Variants in RSU1 observed in about 807,000 individuals in gnomAD.
The protein encoded by RSU1 is Ras suppressor protein 1.
In RSU1, 26 loss-of-function variants were observed where a neutral mutation model predicts 31.1. The observed-to-expected ratio is 0.84, with a 90% CI of 0.61 to 1.16. The LOEUF (loss-of-function observed/expected upper bound fraction) is 1.16, where lower values mean the gene tolerates loss of function less well. Ranked by LOEUF, RSU1 falls within the 50% of genes most tolerant of loss-of-function variation. The probability of loss-of-function intolerance (pLI) is 0.00; values close to 1 mark genes in which losing one functional copy is unlikely to be tolerated. For synonymous variants in RSU1, 164 were observed against 136.3 expected (o/e 1.20, Z -1.41); for missense variants, 320 against 339.1 (o/e 0.94, Z 0.44).
chr10:16,755,824 A>G (rs1489029368), intron 4 of RSU1, among the ~76,000 whole-genome samples: 2 of 152,176 alleles, frequency 1.3e-5, no homozygotes, highest in African/African-American at 2.4e-5. Flanking sequence ...CATTCCACAT[A>G]TAAGTGAGAA....
At chr10:16,676,457 A>G (rs371485313) in intron 8 of RSU1, among the ~76,000 whole-genome samples, 2 of 152,162 alleles carry the variant, frequency 1.3e-5, no homozygotes, top group Admixed American at 6.5e-5. Flanking sequence ...CTATGATTCA[A>G]TTATCTCCCA....
intron 7 of RSU1, among the ~76,000 whole-genome samples, chr10:16,744,218 A>T (rs931329062): frequency 6.6e-6 from 1 of 152,142 alleles, no homozygotes; most frequent in African/African-American, 2.4e-5. Flanking sequence ...TTTTTCTATA[A>T]TGCTTTTAAT....
At chr10:16,637,121 A>G (rs971470814) in intron 8 of RSU1, among the ~76,000 whole-genome samples, 18 of 152,280 alleles carry the variant, frequency 1.2e-4, no homozygotes, top group African/African-American at 4.3e-4. Flanking sequence ...CAAATTAGCT[A>G]GCTGAGGCCA....
intron 8 of RSU1, among the ~76,000 whole-genome samples, 169 bp from the exon 9 acceptor site, chr10:16,593,665 A>ATTCTC (rs1833553122): frequency 6.6e-6 from 1 of 152,246 alleles, no homozygotes; most frequent in Non-Finnish European, 1.5e-5. Context: ...TGAATATAAA[A>ATTCTC]TTCTCTTACA....
chr10:16,734,083 T>G lies in RSU1; in HGVS notation c.598+18456A>C, dbSNP rs186880211. ...TGCTAAACTGTCGGAACACACAAAG[T>G]GACAGATTTAGTGTTTCATTGGCAA... is the stretch of plus-strand genomic sequence containing the variant. On this transcript the variant is annotated intron_variant, in intron 7 of 8. Transcript: ENST00000345264. 3.8e-4 allele frequency among the ~76,000 whole-genome samples: 58 copies of G among 152,306 alleles called. No individual in the cohort carries two copies. The East Asian group carries it at 9.8e-3, about 26-fold the overall frequency.
chr10:16,649,723 T>C (rs1834644359), intron 8 of RSU1, among the ~76,000 whole-genome samples: 1 of 152,188 alleles, frequency 6.6e-6, no homozygotes, highest in South Asian at 2.1e-4. Flanking sequence ...AATTCAACCA[T>C]CTTCACAAAT....
At chr10:16,741,965 C>T (rs1169158071) in intron 7 of RSU1, among the ~76,000 whole-genome samples, 1 of 151,944 alleles carries the variant, frequency 6.6e-6, no homozygotes, top group Non-Finnish European at 1.5e-5. Context: ...ACCAGTGCTC[C>T]CCAAACTGAA....
intron 8 of RSU1, among the ~76,000 whole-genome samples, chr10:16,663,602 G>A (rs1834928233): frequency 6.6e-6 from 1 of 152,162 alleles, no homozygotes; most frequent in Non-Finnish European, 1.5e-5. Flanking sequence ...TACGCCTACA[G>A]CCAGAAAGGT....
chr10:16,817,187 C>A, intron 1 of RSU1, 103 bp from the exon 2 acceptor site: 2 of 720,474 alleles, frequency 2.8e-6, no homozygotes, highest in East Asian at 3.9e-5. Context: ...AGGGTTGGAG[C>A]GGGTGGGCGT....
chr10:16,686,975 C>T (rs892616788), intron 8 of RSU1, among the ~76,000 whole-genome samples: 3 of 152,172 alleles, frequency 2.0e-5, no homozygotes, highest in Non-Finnish European at 4.4e-5. Flanking sequence ...AGGGTTTTTT[C>T]TCACTGGTCA....
chr10:16,593,810 G>A (rs1343751935), intron 8 of RSU1, among the ~76,000 whole-genome samples: 2 of 152,220 alleles, frequency 1.3e-5, no homozygotes, highest in Non-Finnish European at 2.9e-5. Context: ...AGTCGACAGT[G>A]ATAAAAATGG....
chr10:16,773,996 G>T (rs1373204432), intron 3 of RSU1, among the ~76,000 whole-genome samples: 2 of 151,792 alleles, frequency 1.3e-5, no homozygotes, highest in African/African-American at 4.8e-5. Context: ...AAAACGCAAG[G>T]TCAATGAGTT....
intron 8 of RSU1, among the ~76,000 whole-genome samples, chr10:16,628,355 G>A (rs919723382): frequency 1.3e-5 from 2 of 152,254 alleles, no homozygotes; most frequent in African/African-American, 2.4e-5. Context: ...TTCATACCAC[G>A]TGCTAACATA....
At chr10:16,712,652 TTATTATA>T (rs1836044959) in intron 7 of RSU1, among the ~76,000 whole-genome samples, 1 of 152,136 alleles carries the variant, frequency 6.6e-6, no homozygotes, top group African/African-American at 2.4e-5. Context: ...ATCTACTTAT[TTATTATA>T]TATTTGTAGC....
chr10:16,744,658 G>A (rs1251121192), intron 7 of RSU1, among the ~76,000 whole-genome samples: 3 of 152,112 alleles, frequency 2.0e-5, no homozygotes, highest in Non-Finnish European at 2.9e-5. Flanking sequence ...ACAACCAATG[G>A]TCCAACCAAA....
At chr10:16,725,501 C>T (rs562912868) in intron 7 of RSU1, among the ~76,000 whole-genome samples, 6 of 152,164 alleles carry the variant, frequency 3.9e-5, no homozygotes, top group East Asian at 3.9e-4. Flanking sequence ...GCATCTTGAG[C>T]GGGGGGCCTT....
intron 7 of RSU1, among the ~76,000 whole-genome samples, chr10:16,699,105 C>T (rs555612252): frequency 5.3e-5 from 8 of 152,280 alleles, no homozygotes; most frequent in South Asian, 2.1e-4. Flanking sequence ...GTATAATGTC[C>T]GTGGCAAACC....
chr10:16,711,405 T>C (rs1209705175), intron 7 of RSU1, among the ~76,000 whole-genome samples: 1 of 152,184 alleles, frequency 6.6e-6, no homozygotes, highest in Non-Finnish European at 1.5e-5. Flanking sequence ...CTCTGAGCCT[T>C]ATTCTACCTT....
At chr10:16,769,561 C>T (rs1056436626) in intron 3 of RSU1, among the ~76,000 whole-genome samples, 1 of 152,202 alleles carries the variant, frequency 6.6e-6, no homozygotes, top group African/African-American at 2.4e-5. Context: ...CTTGCTAAAA[C>T]ACAGATGGAG....
Sources: gnomAD v4.1 joint callset for allele counts (sites outside exome capture counted in the v4.1 genomes callset) on GRCh38, gnomAD v4.1.1 for gene constraint, MANE v1.5 for transcripts, NCBI Gene and HGNC (gene_info 2026-07-23, HGNC 2026-07-21) for gene names.